Variants in USP49 observed in about 807,000 individuals in gnomAD.
The protein encoded by USP49 is ubiquitin specific peptidase 49.
Under a neutral mutation model 58.6 loss-of-function variants are expected in USP49, and 24 were observed. That is an observed-to-expected ratio of 0.41 (90% CI 0.30 to 0.58). The LOEUF is 0.58. Among genes scored for constraint, USP49 ranks in the 20% least tolerant of loss-of-function variants. USP49 has a pLI of 0.30. For missense variants in USP49, 703 were observed against 866.1 expected, an observed-to-expected ratio of 0.81 and a Z score of 2.36; for synonymous variants, 408 against 365.1, an observed-to-expected ratio of 1.12 and a Z score of -1.34.
intron 3 of USP49, among the ~76,000 whole-genome samples, chr6:41,812,475 C>T (rs909518644): frequency 4.0e-5 from 6 of 151,400 alleles, no homozygotes; most frequent in African/African-American, 7.3e-5. Context: ...GGGCGGATCA[C>T]GAGGTCAGGA....
intron 3 of USP49, among the ~76,000 whole-genome samples, chr6:41,808,513 G>A (rs765263533): frequency 2.0e-5 from 3 of 150,242 alleles, no homozygotes; most frequent in African/African-American, 7.4e-5. Flanking sequence ...GGGTTCAAGC[G>A]ATTCTCCTGC....
chr6:41,857,617 T>C (rs1042835605), intron 3 of USP49, among the ~76,000 whole-genome samples: 2 of 152,088 alleles, frequency 1.3e-5, no homozygotes, highest in East Asian at 3.9e-4. Context: ...GGCAACAGAG[T>C]GAGACCCAGT....
chr6:41,855,732 GA>G (rs1160204947), intron 3 of USP49, among the ~76,000 whole-genome samples: 1 of 151,822 alleles, frequency 6.6e-6, no homozygotes. Context: ...CTGGAAACTC[GA>G]CACACTTAAG....
rs57022965 is a variant in USP49 at position 41,881,288 on chromosome 6, C to CA, written c.-102-9652dup. Among the ~76,000 whole-genome samples the CA allele has an allele frequency of 6.3e-3, 129 of 20,370 alleles. 18 individuals are homozygous for CA. The highest frequency in any genetic ancestry group is 0.014 in the Admixed American group (12 of 848). The allele number at this position is 20,370 out of a possible 152,430, so 13.4% of individuals were successfully genotyped here. ...TGTTCAGAAATATGGCATTAAATAC[C>CA]AAAAAAAAAAAAAAAAAAAAAAAAA... On this transcript the variant is annotated intron_variant, in intron 2 of 7. Coordinates refer to ENST00000682992, the MANE Select transcript of USP49 (RefSeq NM_001286554.2).
intron 3 of USP49, among the ~76,000 whole-genome samples, chr6:41,833,472 T>C (rs564943986): frequency 1.3e-5 from 2 of 152,300 alleles, no homozygotes; most frequent in Admixed American, 1.3e-4. Flanking sequence ...TAATTCTCAG[T>C]AGAAATAATT....
At chr6:41,827,979 T>C (rs963256859) in intron 3 of USP49, among the ~76,000 whole-genome samples, 5 of 152,156 alleles carry the variant, frequency 3.3e-5, no homozygotes, top group East Asian at 3.9e-4. Flanking sequence ...TCAAATTTGA[T>C]TGACCACTCT....
At chr6:41,851,909 G>A (rs13203658) in intron 3 of USP49, among the ~76,000 whole-genome samples, 1,460 of 137,822 alleles carry the variant, frequency 0.011, 15 homozygotes, top group Middle Eastern at 0.062. Context: ...AGCTGAGATC[G>A]CGCCACTGCA....
chr6:41,802,753 T>A (rs957427213), intron 5 of USP49, among the ~76,000 whole-genome samples: 3 of 152,128 alleles, frequency 2.0e-5, no homozygotes, highest in African/African-American at 7.2e-5. Context: ...TGTTCTGCAT[T>A]TCCTCTGTCC....
chr6:41,863,505 T>C lies in USP49; in HGVS notation c.-29+8059A>G, dbSNP rs1341060371. ...TAAATCTTAAGTATTATCACGGGTA[T>C]TAAACAAAAACAGCATTTTCATTCT... On this transcript the variant is annotated intron_variant, in intron 3 of 7. Coordinates refer to ENST00000682992, the MANE Select transcript of USP49 (RefSeq NM_001286554.2). Among the ~76,000 whole-genome samples the C allele has an allele frequency of 2.6e-5, 4 of 152,236 alleles. No homozygotes were observed. The East Asian group carries it at 5.8e-4, about 22-fold the overall frequency.
chr6:41,826,621 G>C (rs1773542244), intron 3 of USP49, among the ~76,000 whole-genome samples: 1 of 151,962 alleles, frequency 6.6e-6, no homozygotes. Context: ...CAGCAATTAA[G>C]GTTTTATCTT....
intron 3 of USP49, among the ~76,000 whole-genome samples, chr6:41,807,270 T>C (rs73733035): frequency 0.013 from 2,034 of 152,258 alleles, 43 homozygotes; most frequent in African/African-American, 0.046. Context: ...TGAAACTTTA[T>C]GGTGTTTCAC....
intron 3 of USP49, among the ~76,000 whole-genome samples, chr6:41,835,859 AG>A (rs1276045738): frequency 6.6e-5 from 10 of 152,116 alleles, no homozygotes; most frequent in Non-Finnish European, 1.3e-4. Flanking sequence ...GGATTGCTTG[AG>A]TCCAGAAGTT....
At chr6:41,870,681 C>G (rs1774398204) in intron 3 of USP49, among the ~76,000 whole-genome samples, 1 of 91,906 alleles carries the variant, frequency 1.1e-5, no homozygotes, top group Non-Finnish European at 2.2e-5. Flanking sequence ...GCCACCACAC[C>G]TGGCTAATTT....
intron 3 of USP49, among the ~76,000 whole-genome samples, chr6:41,859,127 T>A (rs1390855411): frequency 6.6e-6 from 1 of 152,212 alleles, no homozygotes; most frequent in Non-Finnish European, 1.5e-5. Context: ...CCCAAATATG[T>A]CATTCTCACT....
At chr6:41,824,522 C>G (rs1177079566) in intron 3 of USP49, among the ~76,000 whole-genome samples, 1 of 151,790 alleles carries the variant, frequency 6.6e-6, no homozygotes, top group Non-Finnish European at 1.5e-5. Flanking sequence ...ACCAGCCTGA[C>G]CAACATGGAG....
chr6:41,827,333 G>T (rs1320404923), intron 3 of USP49, among the ~76,000 whole-genome samples: 2 of 152,050 alleles, frequency 1.3e-5, no homozygotes, highest in African/African-American at 4.8e-5. Flanking sequence ...TCAGAGGTAG[G>T]TTACTCCCCA....
intron 3 of USP49, among the ~76,000 whole-genome samples, chr6:41,816,721 T>C (rs1773358453): frequency 1.6e-5 from 2 of 127,766 alleles, no homozygotes; most frequent in African/African-American, 6.0e-5. Context: ...TTATTATTAT[T>C]TTATTTTTTA....
At chr6:41,873,447 C>G (rs989034324) in intron 2 of USP49, among the ~76,000 whole-genome samples, 4 of 152,128 alleles carry the variant, frequency 2.6e-5, no homozygotes, top group African/African-American at 9.7e-5. Flanking sequence ...ATCATGAAAC[C>G]TAGCAAAAAC....
intron 3 of USP49, among the ~76,000 whole-genome samples, chr6:41,851,952 CAAAAAAAAAAAA>C (rs67716441): frequency 1.1e-3 from 63 of 54,888 alleles, no homozygotes; most frequent in Non-Finnish European, 1.2e-3. Flanking sequence ...AGACTCGTCT[CAAAAAAAAAAAA>C]AAAAAAAAAA....
Sources: gnomAD v4.1 joint callset for allele counts (sites outside exome capture counted in the v4.1 genomes callset) on GRCh38, gnomAD v4.1.1 for gene constraint, MANE v1.5 for transcripts, NCBI Gene and HGNC (gene_info 2026-07-23, HGNC 2026-07-21) for gene names.